The following FREM3 variants were observed in gnomAD, a reference collection of about 807,000 sequenced individuals.
FREM3 encodes the protein FRAS1 related extracellular matrix 3, also known as FRAS1-related extracellular matrix protein 3.
A neutral mutation model predicts 129.1 loss-of-function variants in FREM3; 105 were observed. The observed-to-expected ratio is 0.81, with a 90% CI of 0.69 to 0.96. The LOEUF (loss-of-function observed/expected upper bound fraction) is 0.96. FREM3 is among the 40% of genes least tolerant of loss of function. The pLI is 0.00. For missense variants in FREM3, 2,593 were observed against 2,666.3 expected, an observed-to-expected ratio of 0.97 and a Z score of 0.61; for synonymous variants, 1,014 against 1,044.9, an observed-to-expected ratio of 0.97 and a Z score of 0.57.
rs1189342521 is a variant in FREM3 at position 143,697,469 on chromosome 4, T to TA, written c.3206_3207insT (p.Pro1070ThrfsTer13). Reference sequence around the variant, plus strand: ...AGGACTCCCCGACGAAGACCTTGGGTCCCACATTGTCCACAGGCAGCACAG... The same window carrying TA: ...AGGACTCCCCGACGAAGACCTTGGGTACCCACATTGTCCACAGGCAGCACAG... On this transcript the variant is annotated frameshift_variant, in exon 1 of 8. Coordinates refer to ENST00000329798, the MANE Select transcript of FREM3 (RefSeq NM_001168235.2). LOFTEE classifies it high-confidence loss of function. 1 of 1,537,214 alleles carries TA rather than the reference T, an allele frequency of 6.5e-7. No individual in the cohort carries two copies. Among genetic ancestry groups the TA allele is most frequent in the Admixed American group, 2.0e-5 (1 of 51,002 alleles).
At chr4:143,586,055 T>G in intron 6 of FREM3, 62 bp from the exon 7 acceptor site, 1 of 1,481,624 alleles carries the variant, frequency 6.7e-7, no homozygotes, top group South Asian at 1.2e-5. Context: ...CTGTCTCCTT[T>G]GGCCCTGTGT....
chr4:143,697,116 A>G lies in FREM3; in HGVS notation c.3560T>C (p.Leu1187Pro). ...TTTAGGCTGCTCATCATTGGTGGGTAGGATGATTATAGGGAAGAAGACATT... is the reference window on the plus strand; with the variant it reads ...TTTAGGCTGCTCATCATTGGTGGGTGGGATGATTATAGGGAAGAAGACATT... ...SPNVFFPIII[L>P]PTNDEQPKLF... The change falls in exon 1 of 8, where the codon CTA becomes CCA. Residue 1187 changes from leucine to proline, a missense_variant. Leu to Pro is a moderately conservative substitution (Grantham distance 98). This residue lies in a region of FREM3 where 2,276 missense variants were observed against 2,267.2 expected (regional missense o/e 1.00). Transcript: ENST00000329798. The G allele has an allele frequency of 2.0e-6, 3 of 1,537,872 alleles. No individual in the cohort carries two copies. The highest frequency in any genetic ancestry group is 2.6e-6 in the Non-Finnish European group (3 of 1,147,040).
rs770717817 is a variant in FREM3, at chr4:143,698,237, G to A, written c.2439C>T (p.Ser813=). The A allele has an allele frequency of 1.8e-5, 27 of 1,537,268 alleles. No homozygotes were observed. The highest frequency in any genetic ancestry group is 2.2e-5 in the Non-Finnish European group (25 of 1,146,936). ...GGAATAATGTGAATGTGCCTGGCAC[G>A]CTATTGCCTGCAGCATCTTCCACCT... ...TYQVEDAAGN[S]VPGTFTLFLQ... Residue 813 remains serine (S), a synonymous_variant, in exon 1 of 8, where the codon AGC becomes AGT. Coordinates refer to ENST00000329798, the MANE Select transcript of FREM3 (RefSeq NM_001168235.2).
intron 2 of FREM3, among the ~76,000 whole-genome samples, chr4:143,669,774 A>G (rs554354984): frequency 3.2e-4 from 49 of 151,902 alleles, no homozygotes; most frequent in Non-Finnish European, 5.3e-4. Flanking sequence ...TGTCTTTTGC[A>G]TTCTACAGAA....
intron 2 of FREM3, among the ~76,000 whole-genome samples, chr4:143,673,017 C>A (rs1222529105): frequency 2.0e-5 from 3 of 152,102 alleles, no homozygotes; most frequent in Non-Finnish European, 4.4e-5. Context: ...AGGTTTTTAA[C>A]TTCTTTGTGA....
chr4:143,615,712 A>C (rs1738831240), intron 5 of FREM3, among the ~76,000 whole-genome samples: 1 of 149,360 alleles, frequency 6.7e-6, no homozygotes. Flanking sequence ...AGTGTCAAAA[A>C]AAAAACAAAA....
intron 2 of FREM3, among the ~76,000 whole-genome samples, chr4:143,646,000 A>G (rs1739407744): frequency 6.6e-6 from 1 of 152,226 alleles, no homozygotes; most frequent in South Asian, 2.1e-4. Flanking sequence ...TCTTTGCAAC[A>G]AGAACCCTTT....
intron 6 of FREM3, among the ~76,000 whole-genome samples, chr4:143,593,128 T>G (rs1389193414): frequency 6.6e-6 from 1 of 152,188 alleles, no homozygotes; most frequent in Non-Finnish European, 1.5e-5. Context: ...ATTCTAGTTA[T>G]CCATTTATCT....
At chr4:143,629,281 AGC>A (rs1437425143) in intron 2 of FREM3, among the ~76,000 whole-genome samples, 1 of 152,152 alleles carries the variant, frequency 6.6e-6, no homozygotes, top group African/African-American at 2.4e-5. Context: ...GGGAACCATG[AGC>A]ATGGAAAGAG....
intron 2 of FREM3, among the ~76,000 whole-genome samples, chr4:143,681,843 C>A (rs180741276): frequency 3.4e-4 from 52 of 152,182 alleles, no homozygotes; most frequent in African/African-American, 1.2e-3. Context: ...AAGAAAAAGG[C>A]AAAATTGATA....
In FREM3 at chr4:143,611,406, C is replaced by T; in HGVS notation, c.5901G>A (p.Leu1967=). ...CTTCATAAAGGGAGTCATCAATGAT[C>T]AGGACCTGGCAGGTCTTCTGTGTCT... ...KNETQKTCQV[L]IIDDSLYEEE... Residue 1967 remains leucine, a synonymous_variant, in exon 6 of 8, where the codon CTG becomes CTA. Coordinates refer to ENST00000329798, the MANE Select transcript of FREM3 (RefSeq NM_001168235.2). The T allele has an allele frequency of 6.5e-7, 1 of 1,537,166 alleles. No individual in the cohort carries two copies. Among genetic ancestry groups the T allele is most frequent in the Non-Finnish European group, 8.7e-7 (1 of 1,146,850 alleles).
Position 143,693,203 on chromosome 4 carries a change from C to CA in FREM3, c.5186-2_5186-1insT. 6.8e-7 allele frequency: 1 copy of CA among 1,473,000 alleles called. No individual in the cohort carries two copies. Among genetic ancestry groups the CA allele is most frequent in the Non-Finnish European group, 9.0e-7 (1 of 1,109,242 alleles). The allele number at this position is 1,473,000 out of a possible 1,614,324, so 91.2% of individuals were successfully genotyped here. On this transcript the variant is annotated splice_acceptor_variant, in intron 1 of 7. Coordinates refer to ENST00000329798, the MANE Select transcript of FREM3 (RefSeq NM_001168235.2). LOFTEE classifies it high-confidence loss of function. Reference sequence around the variant, plus strand: ...GATATCTTCATCTCATCAATGTCAGCTAAAAAAAAAGCAACCATCACACAA... The same window carrying CA: ...GATATCTTCATCTCATCAATGTCAGCATAAAAAAAAAGCAACCATCACACAA...
intron 2 of FREM3, among the ~76,000 whole-genome samples, chr4:143,652,986 G>T (rs1826927): frequency 0.73 from 110,576 of 152,090 alleles, 40,761 homozygotes; most frequent in East Asian, 0.94. Flanking sequence ...GCTGTACAAG[G>T]TTTTGATACT....
chr4:143,621,059 G>A lies in FREM3; in HGVS notation c.5757C>T (p.Ile1919=), dbSNP rs185792698. Residue 1919 remains isoleucine (I), a synonymous_variant, in exon 5 of 8, where the codon ATC becomes ATT. Coordinates refer to ENST00000329798, the MANE Select transcript of FREM3 (RefSeq NM_001168235.2). ...TACCTTGACGTGTGGAGCAAATGAC[G>A]ATTAGTTCCTGGCTTGCATCTCCAG... ...RRSGDASQEL[I]VICSTRQGSA... is the part of the protein sequence containing the mutation. 2,419 of 1,537,260 alleles carry A rather than the reference G, an allele frequency of 1.6e-3. 27 individuals carry two copies. The African/African-American group carries it at 0.029, about 18-fold the overall frequency.
chr4:143,683,122 A>G (rs1005899028), intron 2 of FREM3, among the ~76,000 whole-genome samples: 1 of 152,218 alleles, frequency 6.6e-6, no homozygotes, highest in African/African-American at 2.4e-5. Context: ...GCACAAGAAC[A>G]TGCGGTCTTG....
intron 5 of FREM3, among the ~76,000 whole-genome samples, chr4:143,614,148 G>A (rs1738806281): frequency 6.6e-6 from 1 of 152,134 alleles, no homozygotes; most frequent in Non-Finnish European, 1.5e-5. Context: ...GTTTTAGCAA[G>A]ATTTTTAAAC....
rs530793971 is a variant in FREM3, at chr4:143,621,138, G to A, written c.5678C>T (p.Ala1893Val). ...GDESTVYIPE[A>V]EYKIEEDIGE... ...AATGTCCTCTTCTATTTTGTATTCCGCCTCTGGAATATAAACTGTTGATTC... is the reference window on the plus strand; with the variant it reads ...AATGTCCTCTTCTATTTTGTATTCCACCTCTGGAATATAAACTGTTGATTC... The change falls in exon 5 of 8, where the codon GCG becomes GTG. Residue 1893 changes from alanine (A) to valine (V), a missense_variant. Transcript: ENST00000329798. The A allele has an allele frequency of 1.6e-5, 25 of 1,536,544 alleles. No individual in the cohort carries two copies. The East Asian group carries it at 3.2e-4, about 20-fold the overall frequency.
Position 143,700,551 on chromosome 4 carries a change from G to T in FREM3, c.125C>A (p.Pro42Gln). Residue 42 changes from proline (P) to glutamine (Q), a missense_variant, in exon 1 of 8, where the codon CCG becomes CAG. This residue lies in a region of FREM3 where 2,276 missense variants were observed against 2,267.2 expected (regional missense o/e 1.00). Transcript: ENST00000329798. Reference protein sequence around the residue: ...RASSLGTEPDPALYLPARGAL... With the variant: ...RASSLGTEPDQALYLPARGAL... ...ACCCCGGGCGGGCAGGTAAAGCGCC[G>T]GGTCGGGCTCGGTCCCAAGTGAGGA... is the stretch of plus-strand genomic sequence containing the variant. 1 of 1,518,056 alleles carries T rather than the reference G, an allele frequency of 6.6e-7. No individual in the cohort carries two copies. Among genetic ancestry groups the T allele is most frequent in the Non-Finnish European group, 8.8e-7 (1 of 1,136,128 alleles). 94.0% of individuals were successfully genotyped at this position (1,518,056 alleles called of 1,614,324 possible). A position where few individuals can be genotyped will look rare whatever the true frequency, so the allele number is the denominator to read the frequency against.
intron 6 of FREM3, among the ~76,000 whole-genome samples, 161 bp from the exon 7 acceptor site, chr4:143,586,154 C>T (rs1738240871): frequency 6.6e-6 from 1 of 152,104 alleles, no homozygotes; most frequent in Non-Finnish European, 1.5e-5. Flanking sequence ...AAAACAAAAA[C>T]ACACAAAAAG....
Sources: allele counts gnomAD v4.1 joint callset (sites outside exome capture counted in the v4.1 genomes callset), GRCh38; gene constraint gnomAD v4.1.1; regional missense constraint gnomAD v4.1.1; transcripts MANE v1.5; gene names NCBI Gene and HGNC (gene_info 2026-07-23, HGNC 2026-07-21).